Variants in CFAP210 observed in about 807,000 individuals in gnomAD.
CFAP210 encodes cilia and flagella associated protein 210, also known as cilia- and flagella- associated protein 210.
At chr2:169,664,078 A>G in the CFAP210 span, among the ~76,000 whole-genome samples, 2 of 151,736 alleles carry the variant, frequency 1.3e-5, no homozygotes, top group South Asian at 4.1e-4. Flanking sequence ...GCCCACCTGT[A>G]GACCCAGCTA....
chr2:169,682,485 TAC>T, the CFAP210 span, among the ~76,000 whole-genome samples: 16 of 150,876 alleles, frequency 1.1e-4, no homozygotes, highest in East Asian at 1.9e-4. Context: ...CCATTTTCTA[TAC>T]ACACACACAC....
the CFAP210 span, among the ~76,000 whole-genome samples, chr2:169,684,464 TCTC>T: frequency 6.6e-6 from 1 of 152,180 alleles, no homozygotes; most frequent in African/African-American, 2.4e-5. Flanking sequence ...TTAGCAGTCC[TCTC>T]CTCCTCATAG....
chr2:169,694,250 GT>G, the CFAP210 span: 4 of 1,613,930 alleles, frequency 2.5e-6, no homozygotes, highest in South Asian at 4.4e-5. Context: ...GGATAGGTCA[GT>G]TTAGCTCACC....
At chr2:169,662,312 CTCTTT>C in the CFAP210 span, 38 of 1,602,756 alleles carry the variant, frequency 2.4e-5, no homozygotes, top group South Asian at 4.6e-5. Flanking sequence ...TGCATCTCTT[CTCTTT>C]TCTTTTCTAG....
the CFAP210 span, chr2:169,674,561 T>G: frequency 1.3e-6 from 2 of 1,549,298 alleles, no homozygotes; most frequent in Non-Finnish European, 1.7e-6. Flanking sequence ...AAAAAGGTAT[T>G]TTATGTATAC....
At chr2:169,692,405 T>A in the CFAP210 span, among the ~76,000 whole-genome samples, 4 of 147,986 alleles carry the variant, frequency 2.7e-5, no homozygotes, top group African/African-American at 1.0e-4. Context: ...ATGGAAGGCA[T>A]TACATGGCAA....
chr2:169,689,235 G>C, the CFAP210 span, among the ~76,000 whole-genome samples: 2 of 152,130 alleles, frequency 1.3e-5, no homozygotes, highest in Non-Finnish European at 2.9e-5. Context: ...TTTGGGTCAG[G>C]ACACATCCAA....
chr2:169,674,747 A>C, the CFAP210 span: 3 of 1,583,990 alleles, frequency 1.9e-6, no homozygotes, highest in African/African-American at 4.1e-5. Flanking sequence ...TTCTTTCATA[A>C]CTCTACTAAG....
At chr2:169,694,391 T>C in the CFAP210 span, 29 of 1,515,082 alleles carry the variant, frequency 1.9e-5, no homozygotes, top group Admixed American at 3.5e-5. Flanking sequence ...CCGGTGGAGT[T>C]GTTACTCGTA....
chr2:169,681,026 T>C, the CFAP210 span: 3 of 1,613,916 alleles, frequency 1.9e-6, no homozygotes, highest in African/African-American at 4.0e-5. Context: ...ATTAGTCCAG[T>C]GTTTTACCAC....
chr2:169,684,709 T>C, the CFAP210 span, among the ~76,000 whole-genome samples: 1 of 152,180 alleles, frequency 6.6e-6, no homozygotes, highest in African/African-American at 2.4e-5. Context: ...GGTGGAAAGC[T>C]GTGGCACAAT....
the CFAP210 span, chr2:169,674,694 C>T: frequency 5.0e-6 from 8 of 1,609,794 alleles, no homozygotes; most frequent in Non-Finnish European, 6.8e-6. Flanking sequence ...CATTTTTTAT[C>T]TGATTTTATC....
chr2:169,673,410 C>G, the CFAP210 span, among the ~76,000 whole-genome samples: 1 of 152,124 alleles, frequency 6.6e-6, no homozygotes, highest in Non-Finnish European at 1.5e-5. Context: ...ATGGCTTTGT[C>G]CCTAACTTGC....
the CFAP210 span, among the ~76,000 whole-genome samples, chr2:169,660,099 A>G: frequency 3.3e-5 from 5 of 152,050 alleles, no homozygotes; most frequent in African/African-American, 1.2e-4. Flanking sequence ...AAAAAAGACA[A>G]CTTTTCTGGC....
chr2:169,674,735 C>T, the CFAP210 span: 16 of 1,594,508 alleles, frequency 1.0e-5, no homozygotes, highest in South Asian at 9.3e-5. Context: ...CTGGGCATCA[C>T]GTTCTTTCAT....
the CFAP210 span, among the ~76,000 whole-genome samples, chr2:169,678,504 T>C: frequency 6.6e-6 from 1 of 152,110 alleles, no homozygotes; most frequent in East Asian, 1.9e-4. Flanking sequence ...CAGCTGGCTT[T>C]TTCGCATGAA....
chr2:169,681,651 C>T, the CFAP210 span, among the ~76,000 whole-genome samples: 1 of 152,214 alleles, frequency 6.6e-6, no homozygotes, highest in East Asian at 1.9e-4. Flanking sequence ...ACTGACTCTA[C>T]TCAACCTCTT....
chr2:169,677,474 A>T, the CFAP210 span, among the ~76,000 whole-genome samples: 1 of 152,224 alleles, frequency 6.6e-6, no homozygotes, highest in Non-Finnish European at 1.5e-5. Flanking sequence ...TAATCTCAAT[A>T]GACATCAAAA....
the CFAP210 span, among the ~76,000 whole-genome samples, chr2:169,668,653 A>T: frequency 3.3e-5 from 5 of 152,172 alleles, no homozygotes; most frequent in African/African-American, 4.8e-5. Flanking sequence ...TGTCTCAGGG[A>T]AGAAGGAGGC....
Sources: allele counts gnomAD v4.1 joint callset (sites outside exome capture counted in the v4.1 genomes callset), GRCh38; gene constraint gnomAD v4.1.1; transcripts MANE v1.5; gene names NCBI Gene and HGNC (gene_info 2026-07-23, HGNC 2026-07-21).